Variants in SEL1L observed in about 807,000 individuals in gnomAD.
SEL1L encodes SEL1L adaptor subunit of SYVN1 ubiquitin ligase, also known as protein sel-1 homolog 1.
SEL1L carries 52 observed loss-of-function variants against 109.8 expected under a neutral mutation model. The ratio of observed to expected loss-of-function variants is 0.47; its 90% CI spans 0.38 to 0.60. SEL1L has a LOEUF of 0.60. Ranked by LOEUF, SEL1L falls within the 20% of genes least tolerant of loss-of-function variation. The pLI is 0.00. For synonymous variants in SEL1L, 373 were observed against 339.6 expected, an observed-to-expected ratio of 1.10 and a Z score of -1.08; for missense variants, 749 against 962.2, an observed-to-expected ratio of 0.78 and a Z score of 2.93.
chr14:81,495,438 A>G (rs535136445), intron 10 of SEL1L, among the ~76,000 whole-genome samples: 1 of 152,292 alleles, frequency 6.6e-6, no homozygotes, highest in South Asian at 2.1e-4. Flanking sequence ...GAGTTGAAGA[A>G]CAACTTGGGC....
intron 2 of SEL1L, among the ~76,000 whole-genome samples, chr14:81,527,268 A>G (rs530652283): frequency 3.3e-5 from 5 of 152,092 alleles, no homozygotes; most frequent in Non-Finnish European, 7.4e-5. Flanking sequence ...TCCTGCTTTT[A>G]TCTACATTCC....
intron 3 of SEL1L, among the ~76,000 whole-genome samples, chr14:81,510,527 T>C (rs929027618): frequency 6.7e-6 from 1 of 150,256 alleles, no homozygotes; most frequent in Non-Finnish European, 1.5e-5. Flanking sequence ...TATATATATA[T>C]ATAGACAATT....
chr14:81,498,492 A>G lies in SEL1L; in HGVS notation c.894T>C (p.Gly298=). The part of the protein sequence containing the change: ...GGNLIAHMVL[G]YRYWAGIGVL... ...CGCCGATGCCAGCCCAGTATCTGTA[A>G]CCCTGTAAAACAACTTCACGTGAGG... is the stretch of plus-strand genomic sequence containing the variant. The change falls in exon 9 of 21, where the codon GGT becomes GGC. Residue 298 remains glycine, a splice_region_variant and synonymous_variant. Coordinates refer to ENST00000336735, the MANE Select transcript of SEL1L (RefSeq NM_005065.6). The G allele has an allele frequency of 6.2e-7, 1 of 1,613,042 alleles. No homozygotes were observed. The highest frequency in any genetic ancestry group is 8.5e-7 in the Non-Finnish European group (1 of 1,179,414).
intron 3 of SEL1L, among the ~76,000 whole-genome samples, chr14:81,517,066 T>C (rs918048432): frequency 5.9e-5 from 9 of 152,124 alleles, no homozygotes; most frequent in African/African-American, 1.4e-4. Flanking sequence ...CTCACTGATA[T>C]ATGGTGAAAG....
At chr14:81,519,624 T>G (rs558139142) in intron 3 of SEL1L, among the ~76,000 whole-genome samples, 21 of 152,148 alleles carry the variant, frequency 1.4e-4, no homozygotes, top group Non-Finnish European at 3.1e-4. Context: ...GAGCAGGAAG[T>G]AGTCTCAGTC....
Position 81,505,922 on chromosome 14 carries a change from C to T in SEL1L, c.508+152G>A, listed in dbSNP as rs539777205. 1.4e-3 allele frequency: 834 copies of T among 613,408 alleles called. 5 individuals are homozygous for T. The highest frequency in any genetic ancestry group is 1.9e-3 in the Non-Finnish European group (733 of 382,236). The allele number at this position is 613,408 out of a possible 1,614,324, so 38.0% of individuals were successfully genotyped here. A position where few individuals can be genotyped will look rare whatever the true frequency, so the allele number is the denominator to read the frequency against. On this transcript the variant is annotated intron_variant, in intron 4 of 20. Transcript: ENST00000336735. ...CTGAAAATAAATACACCAAGTTTCC[C>T]ACTCTTAAGTCCACTCTTTAAGGCT... is the stretch of plus-strand genomic sequence containing the variant.
In SEL1L at chr14:81,533,802, G is replaced by A. The variant is rs1193311855; in HGVS notation, c.-58C>T. 1.2e-5 allele frequency: 19 copies of A among 1,534,852 alleles called. 1 individual carries two copies. In the South Asian group the frequency reaches 1.3e-4, roughly 10 times the overall value. On this transcript the variant is annotated 5_prime_UTR_variant, in exon 1 of 21. Coordinates refer to ENST00000336735, the MANE Select transcript of SEL1L (RefSeq NM_005065.6). ...CTGTCGCCTTCGCCTCTGCCACCAC[G>A]GACTCAGCCACCACCGCCGCCTCGC... is the stretch of plus-strand genomic sequence containing the variant.
intron 5 of SEL1L, 66 bp from the exon 6 acceptor site, chr14:81,502,949 T>A (rs897634181): frequency 3.0e-6 from 4 of 1,327,374 alleles, no homozygotes; most frequent in Non-Finnish European, 4.2e-6. Context: ...GTTTTTTTGA[T>A]CTACTAAAAC....
At chr14:81,527,100 C>A in intron 2 of SEL1L, 136 bp from the exon 3 acceptor site, 1 of 665,426 alleles carries the variant, frequency 1.5e-6, no homozygotes, top group South Asian at 1.8e-5. Context: ...TCTCTATAGG[C>A]TTTGGCATGT....
intron 1 of SEL1L, among the ~76,000 whole-genome samples, chr14:81,528,871 GTT>G (rs1477271556): frequency 6.6e-6 from 1 of 152,088 alleles, no homozygotes; most frequent in East Asian, 1.9e-4. Context: ...CTGTGTTAGA[GTT>G]TGTTATCAAA....
intron 3 of SEL1L, among the ~76,000 whole-genome samples, chr14:81,521,941 A>G (rs975700224): frequency 6.6e-6 from 1 of 152,216 alleles, no homozygotes; most frequent in Non-Finnish European, 1.5e-5. Context: ...AGACAGTGAT[A>G]TTGATGATCC....
At chr14:81,528,850 T>C (rs1301846185) in intron 1 of SEL1L, among the ~76,000 whole-genome samples, 1 of 152,106 alleles carries the variant, frequency 6.6e-6, no homozygotes, top group Non-Finnish European at 1.5e-5. Flanking sequence ...CTCTAAAATA[T>C]AACAAAAAAC....
intron 19 of SEL1L, among the ~76,000 whole-genome samples, chr14:81,480,649 C>G (rs760602621): frequency 8.5e-5 from 13 of 152,104 alleles, no homozygotes; most frequent in Non-Finnish European, 1.6e-4. Context: ...ACCCAGGAGG[C>G]AGAGGTTGCA....
At chr14:81,502,347 T>C (rs1180486110) in intron 6 of SEL1L, among the ~76,000 whole-genome samples, 3 of 152,216 alleles carry the variant, frequency 2.0e-5, no homozygotes, top group Admixed American at 2.0e-4. Flanking sequence ...GTACTGCTTC[T>C]GTAATAAAAT....
At chr14:81,486,588 A>G in intron 16 of SEL1L, 134 bp from the exon 17 acceptor site, 1 of 769,046 alleles carries the variant, frequency 1.3e-6, no homozygotes, top group Non-Finnish European at 2.0e-6. Context: ...TTGAACAGAC[A>G]TAAAAGTTTG....
At chr14:81,501,649 T>C (rs1381871068) in intron 6 of SEL1L, among the ~76,000 whole-genome samples, 1 of 152,166 alleles carries the variant, frequency 6.6e-6, no homozygotes, top group Non-Finnish European at 1.5e-5. Flanking sequence ...ATTTCACTTA[T>C]CTTTAAGCAA....
chr14:81,520,570 C>T (rs1229458970), intron 3 of SEL1L, among the ~76,000 whole-genome samples: 3 of 152,218 alleles, frequency 2.0e-5, no homozygotes. Flanking sequence ...GTGGAAAGGG[C>T]TCGCAGCAGA....
chr14:81,497,858 G>A (rs565067673), intron 10 of SEL1L, 34 bp downstream of exon 10: 2 of 1,595,382 alleles, frequency 1.3e-6, no homozygotes, highest in Admixed American at 1.7e-5. Context: ...ATACAATGCA[G>A]TAAAGATATT....
chr14:81,533,576 A>C (rs767397094), intron 1 of SEL1L, 99 bp downstream of exon 1: 60 of 1,139,070 alleles, frequency 5.3e-5, no homozygotes, highest in Non-Finnish European at 7.4e-5. Context: ...GTGCCCAGGG[A>C]GAACGGGGTC....
Sources: allele counts gnomAD v4.1 joint callset (sites outside exome capture counted in the v4.1 genomes callset), GRCh38; gene constraint gnomAD v4.1.1; transcripts MANE v1.5; gene names NCBI Gene and HGNC (gene_info 2026-07-23, HGNC 2026-07-21).